MFAP5: variants seen among roughly 807,000 people sequenced by gnomAD.
MFAP5 encodes the protein microfibrillar-associated protein 5.
MFAP5 carries 19 observed loss-of-function variants against 30.1 expected under a neutral mutation model. The observed-to-expected ratio is 0.63, with a 90% confidence interval of 0.44 to 0.93. MFAP5 has a LOEUF of 0.93. Among genes scored for constraint, MFAP5 ranks in the 40% least tolerant of loss-of-function variants. The pLI is 0.00. For missense variants in MFAP5, 210 were observed against 221.3 expected (o/e 0.95, Z 0.32); for synonymous variants, 92 against 72.9 (o/e 1.26, Z -1.33).
chr12:8,662,211 A>C, intron 1 of MFAP5, 105 bp from the exon 2 acceptor site: 1 of 898,316 alleles, frequency 1.1e-6, no homozygotes, highest in South Asian at 1.7e-5. Flanking sequence ...TTGTCTTCCC[A>C]GAACTTTCTT....
chr12:8,651,538 T>C (rs1443073761), intron 7 of MFAP5, 124 bp downstream of exon 7: 4 of 997,818 alleles, frequency 4.0e-6, no homozygotes, highest in Non-Finnish European at 6.2e-6. Flanking sequence ...AGAACACTAA[T>C]ACTCTTTGAG....
chr12:8,654,533 A>G (rs1162585039), intron 5 of MFAP5, 52 bp from the exon 6 acceptor site: 2 of 1,519,508 alleles, frequency 1.3e-6, no homozygotes, highest in South Asian at 1.2e-5. Flanking sequence ...TTGCAAACAC[A>G]AGGCAGAGTA....
In MFAP5 at chr12:8,647,314, C is replaced by G. The variant is rs1309830643; in HGVS notation, c.*777G>C. The G allele has an allele frequency of 6.6e-6, 1 of 152,216 alleles. No homozygotes were observed. The highest frequency in any genetic ancestry group is 1.5e-5 in the Non-Finnish European group (1 of 68,026). The allele number at this position is 152,216 out of a possible 1,614,324, so 9.4% of individuals were successfully genotyped here. ...TTGTGGTGGTGGGTTCATCCCGGTA[C>G]TACCCATAAACGAATCAGTAAATGA... On this transcript the variant is annotated 3_prime_UTR_variant, in exon 10 of 10. Transcript: ENST00000359478.
At chr12:8,654,971 C>T (rs1386966426) in intron 5 of MFAP5, among the ~76,000 whole-genome samples, 1 of 149,644 alleles carries the variant, frequency 6.7e-6, no homozygotes, top group Non-Finnish European at 1.5e-5. Context: ...AGCACTGTCA[C>T]TGAACAACAC....
intron 7 of MFAP5, among the ~76,000 whole-genome samples, chr12:8,650,837 T>G (rs1434952337): frequency 6.6e-6 from 1 of 152,166 alleles, no homozygotes; most frequent in Non-Finnish European, 1.5e-5. Context: ...TGAGAGCACT[T>G]CTAGGAATAA....
chr12:8,657,360 A>G (rs1432922143), intron 3 of MFAP5, among the ~76,000 whole-genome samples: 1 of 151,986 alleles, frequency 6.6e-6, no homozygotes, highest in East Asian at 1.9e-4. Flanking sequence ...CAGAGGTGGC[A>G]GTGAGCTGAG....
rs1174810595 is a variant in MFAP5 at position 8,646,991 on chromosome 12, T to G, written c.*1100A>C. The G allele has an allele frequency of 2.0e-5, 3 of 152,178 alleles. No homozygotes were observed. Among genetic ancestry groups the G allele is most frequent in the Admixed American group, 1.3e-4 (2 of 15,276 alleles). 9.4% of individuals were successfully genotyped at this position (152,178 alleles called of 1,614,324 possible). On this transcript the variant is annotated 3_prime_UTR_variant, in exon 10 of 10. Coordinates refer to ENST00000359478, the MANE Select transcript of MFAP5 (RefSeq NM_003480.4). Reference sequence around the variant, plus strand: ...AAGATGAGGAAATTAAACCAGGACCTAATGAAGGAAAATGGCTTATCCAAG... The same window carrying G: ...AAGATGAGGAAATTAAACCAGGACCGAATGAAGGAAAATGGCTTATCCAAG...
At chr12:8,659,172 G>T (rs1321308468) in intron 3 of MFAP5, among the ~76,000 whole-genome samples, 1 of 151,990 alleles carries the variant, frequency 6.6e-6, no homozygotes, top group Non-Finnish European at 1.5e-5. Context: ...GCCAGTTGTG[G>T]TGGCGCATGC....
In MFAP5 at chr12:8,650,592, G is replaced by C. The variant is rs2136461580; in HGVS notation, c.248-3C>G. On this transcript the variant is annotated splice_region_variant and splice_polypyrimidine_tract_variant and intron_variant, in intron 7 of 9. Coordinates refer to ENST00000359478, the MANE Select transcript of MFAP5 (RefSeq NM_003480.4). The stretch of plus-strand genomic sequence containing the variant: ...GGTAAATTTCTCATCCCAGCACTCT[G>C]AGGAAGCCCAATACAAAAAAATAAG... 1 of 1,611,886 alleles carries C rather than the reference G, an allele frequency of 6.2e-7. No homozygotes were observed.
intron 6 of MFAP5, among the ~76,000 whole-genome samples, chr12:8,652,448 ATAAAT>A (rs1182479028): frequency 1.1e-3 from 2 of 1,836 alleles, no homozygotes; most frequent in Admixed American, 0.04. Context: ...CCATCTCAAA[ATAAAT>A]AAATAAATAA....
chr12:8,651,178 A>ATAAAATAAAACAAAATAG (rs1941829052), intron 7 of MFAP5, among the ~76,000 whole-genome samples: 1 of 152,194 alleles, frequency 6.6e-6, no homozygotes, highest in African/African-American at 2.4e-5. Context: ...GAAAAATAAA[A>ATAAAATAAAACAAAATAG]TAAAATAAAA....
rs978684379 is a variant in MFAP5, at chr12:8,652,492, G to C, written c.218-801C>G. ...AATAAATAAATAAAGAATAATGAGA[G>C]TCATCCTAACCTAGGGGCAAATTTA... On this transcript the variant is annotated intron_variant, in intron 6 of 9. Transcript: ENST00000359478. Among the ~76,000 whole-genome samples the C allele has an allele frequency of 2.6e-5, 4 of 151,534 alleles. No individual in the cohort carries two copies. In the South Asian group the frequency reaches 8.3e-4, roughly 32 times the overall value.
At chr12:8,656,290 C>T (rs1188347693) in intron 3 of MFAP5, among the ~76,000 whole-genome samples, 3 of 151,830 alleles carry the variant, frequency 2.0e-5, no homozygotes, top group Admixed American at 6.6e-5. Flanking sequence ...CCTCGTGAAC[C>T]GCCCCCCTCG....
chr12:8,648,471 CA>C, intron 9 of MFAP5: 1 of 1,215,900 alleles, frequency 8.2e-7, no homozygotes, highest in South Asian at 1.3e-5. Context: ...AAAATGAAAT[CA>C]TGTATGCAAA....
At position 8,646,294 on chromosome 12, in the gene MFAP5, A is replaced by G. The variant is rs1941678819; in HGVS notation, c.*1797T>C. The G allele has an allele frequency of 6.6e-6, 1 of 152,220 alleles. No individual in the cohort carries two copies. The highest frequency in any genetic ancestry group is 2.4e-5 in the African/African-American group (1 of 41,458). 9.4% of individuals were successfully genotyped at this position (152,220 alleles called of 1,614,324 possible). A position where few individuals can be genotyped will look rare whatever the true frequency, so the allele number is the denominator to read the frequency against. On this transcript the variant is annotated 3_prime_UTR_variant, in exon 10 of 10. Transcript: ENST00000359478. Reference sequence around the variant, plus strand: ...TTAAACGAAATTGTTTCTTAACAGCAAGAATCTGATCATTTAACTAGTTTT... The same window carrying G: ...TTAAACGAAATTGTTTCTTAACAGCGAGAATCTGATCATTTAACTAGTTTT...
rs758835981 is a variant in MFAP5 at position 8,660,834 on chromosome 12, AC to A, written c.94+28del. ...CTAAATTTTCCTGATAAGAACCCCA[AC>A]AGAGCCGCTATCCAAGGGTTCACCT... On this transcript the variant is annotated intron_variant, in intron 3 of 9. Coordinates refer to ENST00000359478, the MANE Select transcript of MFAP5 (RefSeq NM_003480.4). 2.5e-6 allele frequency: 4 copies of A among 1,601,638 alleles called. No homozygotes were observed. The South Asian group carries it at 4.4e-5, about 18-fold the overall frequency.
chr12:8,651,796 G>T, intron 6 of MFAP5, 105 bp from the exon 7 acceptor site: 1 of 974,300 alleles, frequency 1.0e-6, no homozygotes, highest in Non-Finnish European at 1.6e-6. Flanking sequence ...CCCATAAATA[G>T]GGAGCAAATG....
At position 8,649,571 on chromosome 12, in the gene MFAP5, T is replaced by G. The variant is rs771981445; in HGVS notation, c.339A>C (p.Leu113Phe). The part of the protein sequence containing the change: ...QCIHQLCFTS[L>F]RRMYIVNKEI... ...CCTTGTTGACGATGTACATACGTCGTAAACTGCAGACGTCCCAGTGTCATA... is the reference window on the plus strand; with the variant it reads ...CCTTGTTGACGATGTACATACGTCGGAAACTGCAGACGTCCCAGTGTCATA... Residue 113 changes from leucine (L) to phenylalanine (F), a missense_variant, in exon 9 of 10, where the codon TTA becomes TTC. Physicochemically the swap from Leu to Phe is conservative, Grantham distance 22 (BLOSUM62 0). Transcript: ENST00000359478. The G allele has an allele frequency of 6.2e-7, 1 of 1,613,670 alleles. No homozygotes were observed.
chr12:8,662,301 TTGGTCAC>T (rs1942176440), intron 1 of MFAP5, 195 bp from the exon 2 acceptor site: 1 of 575,004 alleles, frequency 1.7e-6, no homozygotes, highest in Admixed American at 3.2e-5. Flanking sequence ...AATCTATTCC[TTGGTCAC>T]TTACCATTAT....
Sources: gnomAD v4.1 joint callset for allele counts (sites outside exome capture counted in the v4.1 genomes callset) on GRCh38, gnomAD v4.1.1 for gene constraint, MANE v1.5 for transcripts, NCBI Gene and HGNC (gene_info 2026-07-23, HGNC 2026-07-21) for gene names.